Variants in VIT observed in about 807,000 individuals in gnomAD.
VIT encodes vitrin.
In VIT, 99 loss-of-function variants were observed where a neutral mutation model predicts 78.0. That is an observed-to-expected ratio of 1.27 (90% confidence interval 1.08 to 1.50). The LOEUF (loss-of-function observed/expected upper bound fraction) is 1.50. Ranked by LOEUF, VIT falls within the 40% of genes most tolerant of loss-of-function variation. VIT has a pLI of 0.00. For synonymous variants in VIT, 374 were observed against 334.3 expected (o/e 1.12, Z -1.29); for missense variants, 1,126 against 875.3 (o/e 1.29, Z -3.61).
chr2:36,785,895 T>C (rs1665061616), intron 11 of VIT, among the ~76,000 whole-genome samples: 1 of 152,258 alleles, frequency 6.6e-6, no homozygotes, highest in Non-Finnish European at 1.5e-5. Context: ...ATTCTTCTGC[T>C]CAAAACTTTG....
chr2:36,803,828 C>G (rs1167246289), intron 13 of VIT, among the ~76,000 whole-genome samples: 2 of 152,094 alleles, frequency 1.3e-5, no homozygotes, highest in Non-Finnish European at 2.9e-5. Context: ...ATTGAGGACT[C>G]CTTTGAGAAT....
intron 12 of VIT, among the ~76,000 whole-genome samples, chr2:36,800,570 G>C (rs1666249856): frequency 1.3e-5 from 2 of 152,174 alleles, no homozygotes; most frequent in South Asian, 4.1e-4. Context: ...CTGAGTGTCA[G>C]TGGTTTGTGA....
chr2:36,782,718 G>A (rs1420552091), intron 10 of VIT, among the ~76,000 whole-genome samples: 1 of 152,198 alleles, frequency 6.6e-6, no homozygotes, highest in Non-Finnish European at 1.5e-5. Context: ...CCCCAAGGCT[G>A]AAATGCAACT....
intron 6 of VIT, among the ~76,000 whole-genome samples, chr2:36,762,692 G>A (rs949284429): frequency 3.3e-5 from 5 of 152,166 alleles, no homozygotes; most frequent in African/African-American, 1.2e-4. Flanking sequence ...CTGAGCAGCT[G>A]TTCAGGTCTC....
At chr2:36,727,926 C>T (rs957356455) in intron 2 of VIT, among the ~76,000 whole-genome samples, 4 of 152,028 alleles carry the variant, frequency 2.6e-5, no homozygotes, top group East Asian at 3.9e-4. Flanking sequence ...ATGTTGCTGG[C>T]GTGTGTGTTT....
At chr2:36,720,815 C>T (rs527328124) in intron 2 of VIT, among the ~76,000 whole-genome samples, 1 of 152,226 alleles carries the variant, frequency 6.6e-6, no homozygotes, top group South Asian at 2.1e-4. Flanking sequence ...TCGAGATCAG[C>T]CTGGCCAACA....
intron 13 of VIT, among the ~76,000 whole-genome samples, chr2:36,803,435 C>A (rs1268616415): frequency 6.6e-6 from 1 of 152,184 alleles, no homozygotes; most frequent in Non-Finnish European, 1.5e-5. Flanking sequence ...GAGCACTATA[C>A]ACCATGGCCT....
chr2:36,797,107 T>C (rs1272813661), intron 12 of VIT, among the ~76,000 whole-genome samples: 7 of 152,092 alleles, frequency 4.6e-5, no homozygotes, highest in Non-Finnish European at 8.8e-5. Context: ...CAATTTTTTT[T>C]TTTTTTTGGC....
chr2:36,773,804 T>A lies in VIT; in HGVS notation c.693T>A (p.Thr231=), dbSNP rs1483832831. 3 of 1,602,666 alleles carry A rather than the reference T, an allele frequency of 1.9e-6. No homozygotes were observed. The African/African-American group carries it at 4.0e-5, about 21-fold the overall frequency. Residue 231 remains threonine, a synonymous_variant, in exon 8 of 16, where the codon ACT becomes ACA. Transcript: ENST00000379242. ...ATGTCCTTACAGATCTCTGGTCCAC[T>A]GCCACCTACACAAGCAGCCAAAACA... ...HRSQEMDLWS[T]ATYTSSQNRP...
At chr2:36,789,213 G>A (rs990213159) in intron 12 of VIT, among the ~76,000 whole-genome samples, 1 of 152,112 alleles carries the variant, frequency 6.6e-6, no homozygotes, top group African/African-American at 2.4e-5. Flanking sequence ...TCTGAATTCG[G>A]GCCTCAGCTC....
chr2:36,814,269 T>A lies in VIT; in HGVS notation c.1990T>A (p.Phe664Ile). 1 of 1,614,230 alleles carries A rather than the reference T, an allele frequency of 6.2e-7. No individual in the cohort carries two copies. The highest frequency in any genetic ancestry group is 1.1e-5 in the South Asian group (1 of 91,090). Reference sequence around the variant, plus strand: ...CACTCACCCCGCCAGAGACCACTCCTTCTTTGTGGACGAGTTTGACAACCT... The same window carrying A: ...CACTCACCCCGCCAGAGACCACTCCATCTTTGTGGACGAGTTTGACAACCT... Reference protein sequence around the residue: ...IATHPARDHSFFVDEFDNLHQ... With the variant: ...IATHPARDHSIFVDEFDNLHQ... The change falls in exon 16 of 16, where the codon TTC becomes ATC. Residue 664 changes from phenylalanine (F) to isoleucine (I), a missense_variant. Phe to Ile is a conservative substitution (Grantham distance 21). Coordinates refer to ENST00000379242, the MANE Select transcript of VIT (RefSeq NM_053276.4).
intron 15 of VIT, among the ~76,000 whole-genome samples, chr2:36,811,875 CATG>C (rs2148689872): frequency 6.6e-6 from 1 of 152,142 alleles, no homozygotes; most frequent in Admixed American, 6.5e-5. Flanking sequence ...GGAGTTTCAC[CATG>C]TTGGCTAGGC....
intron 6 of VIT, among the ~76,000 whole-genome samples, chr2:36,764,827 A>G (rs1368686246): frequency 6.6e-6 from 1 of 152,052 alleles, no homozygotes; most frequent in Non-Finnish European, 1.5e-5. Flanking sequence ...TGTTTGCATC[A>G]CTTGTCCAGG....
At chr2:36,799,805 T>C (rs1002692434) in intron 12 of VIT, among the ~76,000 whole-genome samples, 1 of 152,170 alleles carries the variant, frequency 6.6e-6, no homozygotes, top group Non-Finnish European at 1.5e-5. Flanking sequence ...TCCGGCACTT[T>C]GGAAGGCCAA....
intron 12 of VIT, among the ~76,000 whole-genome samples, chr2:36,793,766 T>C (rs924742081): frequency 1.3e-5 from 2 of 152,222 alleles, no homozygotes; most frequent in African/African-American, 4.8e-5. Flanking sequence ...TTAATATTTC[T>C]CTACTGGCAC....
At position 36,805,982 on chromosome 2, in the gene VIT, A is replaced by ACT. The variant is rs149938226; in HGVS notation, c.1389+334_1389+335dup. Among the ~76,000 whole-genome samples, 1,054 of 150,322 alleles carry ACT rather than the reference A, an allele frequency of 7.0e-3. 15 individuals carry two copies. The highest frequency in any genetic ancestry group is 0.023 in the African/African-American group (930 of 40,980). ...TTTACACATGCATGCAAGCGAACAT[A>ACT]CTCTCTCTCTCTCTCTCACACACAC... On this transcript the variant is annotated intron_variant, in intron 14 of 15. Coordinates refer to ENST00000379242, the MANE Select transcript of VIT (RefSeq NM_053276.4).
At chr2:36,733,686 G>C (rs923105662) in intron 3 of VIT, among the ~76,000 whole-genome samples, 4 of 152,196 alleles carry the variant, frequency 2.6e-5, no homozygotes, top group Admixed American at 2.0e-4. Flanking sequence ...TAGTAAGTTG[G>C]AAGACAGACA....
At chr2:36,810,518 C>T (rs936034586) in intron 15 of VIT, among the ~76,000 whole-genome samples, 1 of 152,140 alleles carries the variant, frequency 6.6e-6, no homozygotes, top group Non-Finnish European at 1.5e-5. Context: ...AATAATAATA[C>T]TACTACTAAT....
intron 15 of VIT, among the ~76,000 whole-genome samples, chr2:36,809,334 T>G (rs1230887283): frequency 1.3e-5 from 2 of 152,212 alleles, no homozygotes; most frequent in African/African-American, 4.8e-5. Flanking sequence ...TTACCTCTAT[T>G]AAAAACACCA....
Sources: gnomAD v4.1 joint callset for allele counts (sites outside exome capture counted in the v4.1 genomes callset) on GRCh38, gnomAD v4.1.1 for gene constraint, MANE v1.5 for transcripts, NCBI Gene and HGNC (gene_info 2026-07-23, HGNC 2026-07-21) for gene names.